The following ITGB8 variants were observed in gnomAD, a reference collection of about 807,000 sequenced individuals.
The protein encoded by ITGB8 is integrin subunit beta 8, also known as integrin beta-8.
In ITGB8, 30 loss-of-function variants were observed where a neutral mutation model predicts 89.5. The ratio of observed to expected loss-of-function variants is 0.34; its 90% CI spans 0.25 to 0.45. The LOEUF is 0.45. ITGB8 is among the 20% of genes least tolerant of loss of function. The pLI is 1.00. For synonymous variants in ITGB8, 335 were observed against 320.4 expected, an observed-to-expected ratio of 1.05 and a Z score of -0.49; for missense variants, 836 against 933.3, an observed-to-expected ratio of 0.90 and a Z score of 1.36.
chr7:20,385,820 T>C (rs1006783006), intron 6 of ITGB8, among the ~76,000 whole-genome samples: 6 of 152,190 alleles, frequency 3.9e-5, no homozygotes, highest in African/African-American at 1.4e-4. Flanking sequence ...TTAACAAACG[T>C]TCATAACACT....
rs555302536 is a variant in ITGB8, at chr7:20,415,102, G to A, written c.*5105G>A. ...TGTGAAATTTTGATAAGAAGTCTAC[G>A]CAATGACAAGTATGGTACATAAATT... is the stretch of plus-strand genomic sequence containing the variant. On this transcript the variant is annotated 3_prime_UTR_variant, in exon 14 of 14. Transcript: ENST00000222573. 3.3e-5 allele frequency: 5 copies of A among 152,452 alleles called. No individual in the cohort carries two copies. The South Asian group carries it at 6.2e-4, about 19-fold the overall frequency. The allele number at this position is 152,452 out of a possible 1,614,324, so 9.4% of individuals were successfully genotyped here. A position where few individuals can be genotyped will look rare whatever the true frequency, so the allele number is the denominator to read the frequency against.
At position 20,409,543 on chromosome 7, in the gene ITGB8, T is replaced by C. The variant is rs1054501064; in HGVS notation, c.2024-72T>C. The C allele has an allele frequency of 4.0e-6, 4 of 1,007,634 alleles. No individual in the cohort carries two copies. The African/African-American group carries it at 6.6e-5, about 17-fold the overall frequency. The allele number at this position is 1,007,634 out of a possible 1,614,324, so 62.4% of individuals were successfully genotyped here. A position where few individuals can be genotyped will look rare whatever the true frequency, so the allele number is the denominator to read the frequency against. On this transcript the variant is annotated intron_variant, in intron 12 of 13. Coordinates refer to ENST00000222573, the MANE Select transcript of ITGB8 (RefSeq NM_002214.3). ...GGCACTATTAATTGAAGTGTGAACATTATTTACTTGATAGACTCTTTGATT... is the reference window on the plus strand; with the variant it reads ...GGCACTATTAATTGAAGTGTGAACACTATTTACTTGATAGACTCTTTGATT...
intron 1 of ITGB8, chr7:20,346,562 G>T: frequency 4.5e-6 from 1 of 219,890 alleles, no homozygotes; most frequent in Non-Finnish European, 7.7e-6. Flanking sequence ...TGAGGGGCAA[G>T]GGGAGGTTCT....
intron 8 of ITGB8, 103 bp from the exon 9 acceptor site, chr7:20,398,757 C>A: frequency 2.7e-6 from 2 of 741,834 alleles, no homozygotes; most frequent in Non-Finnish European, 4.0e-6. Flanking sequence ...ACTCTTTGAT[C>A]TAGTTAAAAT....
intron 7 of ITGB8, among the ~76,000 whole-genome samples, chr7:20,394,230 G>A (rs1302026789): frequency 6.6e-6 from 1 of 152,176 alleles, no homozygotes; most frequent in Non-Finnish European, 1.5e-5. Context: ...TTTCCTATAA[G>A]TACGTGCCCT....
chr7:20,354,226 G>T (rs1000024208), intron 1 of ITGB8, among the ~76,000 whole-genome samples: 1 of 152,130 alleles, frequency 6.6e-6, no homozygotes, highest in African/African-American at 2.4e-5. Context: ...GGTATATAAA[G>T]AAAATGTATT....
rs1787847084 is a variant in ITGB8 at position 20,413,875 on chromosome 7, T to C, written c.*3878T>C. ...GTTGACTCAATATTTAATTTACAAC[T>C]ATCCTTATTTATATTGACCTCAAGA... On this transcript the variant is annotated 3_prime_UTR_variant, in exon 14 of 14. Coordinates refer to ENST00000222573, the MANE Select transcript of ITGB8 (RefSeq NM_002214.3). 1 of 152,146 alleles carries C rather than the reference T, an allele frequency of 6.6e-6. No homozygotes were observed. Among genetic ancestry groups the C allele is most frequent in the Non-Finnish European group, 1.5e-5 (1 of 67,974 alleles). 9.4% of individuals were successfully genotyped at this position (152,146 alleles called of 1,614,324 possible).
intron 10 of ITGB8, among the ~76,000 whole-genome samples, chr7:20,402,479 C>G (rs1329578380): frequency 6.6e-6 from 1 of 152,156 alleles, no homozygotes; most frequent in African/African-American, 2.4e-5. Flanking sequence ...GGATCTGATT[C>G]ATTCTGGTAA....
At chr7:20,343,290 A>G (rs1470583009) in intron 1 of ITGB8, among the ~76,000 whole-genome samples, 7 of 152,226 alleles carry the variant, frequency 4.6e-5, no homozygotes. Context: ...GGTTTTTAAC[A>G]GATAATGTAT....
chr7:20,394,981 A>G lies in ITGB8; in HGVS notation c.1142A>G (p.Tyr381Cys). The G allele has an allele frequency of 6.3e-7, 1 of 1,586,496 alleles. No homozygotes were observed. The highest frequency in any genetic ancestry group is 8.7e-7 in the Non-Finnish European group (1 of 1,154,854). The part of the protein sequence containing the change: ...ANLNNLVVEA[Y>C]QKLISEVKVQ... The stretch of plus-strand genomic sequence containing the variant: ...CTCAATAATTTGGTAGTGGAAGCCT[A>G]TCAGGTATGTATATATTAGATACAA... Residue 381 changes from tyrosine (Y) to cysteine (C), a missense_variant, in exon 8 of 14, where the codon TAT becomes TGT. Coordinates refer to ENST00000222573, the MANE Select transcript of ITGB8 (RefSeq NM_002214.3).
At chr7:20,357,252 T>G (rs533710251) in intron 1 of ITGB8, among the ~76,000 whole-genome samples, 1 of 152,340 alleles carries the variant, frequency 6.6e-6, no homozygotes, top group East Asian at 1.9e-4. Context: ...ATTGGATGGA[T>G]GTGTATATAT....
At chr7:20,332,079 A>G in intron 1 of ITGB8, 146 bp downstream of exon 1, 4 of 1,429,516 alleles carry the variant, frequency 2.8e-6, no homozygotes, top group Non-Finnish European at 3.7e-6. Flanking sequence ...AGCGTCCTCC[A>G]GCACAGATGG....
intron 1 of ITGB8, among the ~76,000 whole-genome samples, chr7:20,359,004 C>T (rs576953634): frequency 3.1e-4 from 47 of 152,260 alleles, no homozygotes; most frequent in Non-Finnish European, 1.5e-5. Flanking sequence ...AGGATAATGA[C>T]CTCCAGCTAC....
chr7:20,390,526 C>T (rs1336176759), intron 6 of ITGB8, among the ~76,000 whole-genome samples: 1 of 152,146 alleles, frequency 6.6e-6, no homozygotes, highest in South Asian at 2.1e-4. Flanking sequence ...CTCATTACCA[C>T]AAAGAGTGCC....
At chr7:20,402,557 G>C (rs1052272886) in intron 10 of ITGB8, among the ~76,000 whole-genome samples, 2 of 152,150 alleles carry the variant, frequency 1.3e-5, no homozygotes, top group African/African-American at 4.8e-5. Flanking sequence ...TGAGCTATAA[G>C]AGTATACTTT....
chr7:20,393,696 C>T (rs1786956842), intron 7 of ITGB8, among the ~76,000 whole-genome samples: 2 of 152,228 alleles, frequency 1.3e-5, no homozygotes, highest in Admixed American at 1.3e-4. Flanking sequence ...CACAAACACT[C>T]AGCCAGGCTG....
chr7:20,364,398 T>A (rs1785616698), intron 2 of ITGB8, among the ~76,000 whole-genome samples: 1 of 152,232 alleles, frequency 6.6e-6, no homozygotes, highest in Admixed American at 6.5e-5. Context: ...CTCTAGCTTT[T>A]GTCTCCTCTG....
chr7:20,383,182 T>A (rs1786471387), intron 6 of ITGB8, among the ~76,000 whole-genome samples: 1 of 152,240 alleles, frequency 6.6e-6, no homozygotes. Flanking sequence ...CTACCAGATC[T>A]GTTGAAATTC....
Position 20,401,762 on chromosome 7 carries a change from C to A in ITGB8, c.1323C>A (p.Val441=). ...NVTVTMKKCD[V]TGGKNYAIIK... is the part of the protein sequence containing the mutation. Reference sequence around the variant, plus strand: ...CAGTTACAATGAAAAAATGTGATGTCACAGGAGGAAAAAACTATGCAATAA... The same window carrying A: ...CAGTTACAATGAAAAAATGTGATGTAACAGGAGGAAAAAACTATGCAATAA... Residue 441 remains valine, a synonymous_variant, in exon 10 of 14, where the codon GTC becomes GTA. Coordinates refer to ENST00000222573, the MANE Select transcript of ITGB8 (RefSeq NM_002214.3). 2 of 1,585,648 alleles carry A rather than the reference C, an allele frequency of 1.3e-6. No individual in the cohort carries two copies. The highest frequency in any genetic ancestry group is 2.4e-5 in the South Asian group (2 of 84,518).
Sources: gnomAD v4.1 joint callset for allele counts (sites outside exome capture counted in the v4.1 genomes callset) on GRCh38, gnomAD v4.1.1 for gene constraint, MANE v1.5 for transcripts, NCBI Gene and HGNC (gene_info 2026-07-23, HGNC 2026-07-21) for gene names.